The following DPYD variants were observed in gnomAD, a reference collection of about 807,000 sequenced individuals.
The protein encoded by DPYD is dihydropyrimidine dehydrogenase [NADP(+)].
DPYD carries 109 observed loss-of-function variants against 116.2 expected under a neutral mutation model. That is an observed-to-expected ratio of 0.94 (90% CI 0.80 to 1.10). The LOEUF (loss-of-function observed/expected upper bound fraction) is 1.10, where lower values mean the gene tolerates loss of function less well. Ranked by LOEUF, DPYD falls within the 50% of genes least tolerant of loss-of-function variation. The probability of loss-of-function intolerance (pLI) is 0.00; values close to 1 mark genes in which losing one functional copy is unlikely to be tolerated. For synonymous variants in DPYD, 440 were observed against 432.0 expected (o/e 1.02, Z -0.23); for missense variants, 1,302 against 1,254.5 (o/e 1.04, Z -0.57).
intron 3 of DPYD, among the ~76,000 whole-genome samples, chr1:97,786,842 A>C (rs1437652055): frequency 6.6e-6 from 1 of 152,252 alleles, no homozygotes; most frequent in Non-Finnish European, 1.5e-5. Context: ...AAAATATAGT[A>C]TATACCTGAA....
At chr1:97,478,776 G>T (rs933724795) in intron 13 of DPYD, among the ~76,000 whole-genome samples, 3 of 152,176 alleles carry the variant, frequency 2.0e-5, no homozygotes, top group Non-Finnish European at 4.4e-5. Context: ...AGGCTGTTTT[G>T]TCTACATCGA....
chr1:97,314,494 T>C (rs961497808), intron 16 of DPYD, among the ~76,000 whole-genome samples: 13 of 148,342 alleles, frequency 8.8e-5, no homozygotes, highest in Non-Finnish European at 1.2e-4. Flanking sequence ...AGCTTTCTTT[T>C]TTTTTTTTTT....
At position 97,642,953 on chromosome 1, in the gene DPYD, C is replaced by T. The variant is rs188804468; in HGVS notation, c.850+36142G>A. 2.1e-4 allele frequency among the ~76,000 whole-genome samples: 32 copies of T among 150,460 alleles called. No individual in the cohort carries two copies. The East Asian group carries it at 5.7e-3, about 27-fold the overall frequency. On this transcript the variant is annotated intron_variant, in intron 8 of 22. Transcript: ENST00000370192. The stretch of plus-strand genomic sequence containing the variant: ...TAAATTTAAAAGATGGATTAAAGAC[C>T]GAAATATAAAATCTAAAACCATAAA...
At chr1:97,092,446 T>G (rs972546781) in intron 21 of DPYD, among the ~76,000 whole-genome samples, 3 of 152,190 alleles carry the variant, frequency 2.0e-5, no homozygotes, top group Non-Finnish European at 4.4e-5. Context: ...ACCACTTTCC[T>G]ATTCTTAAGA....
At position 97,143,631 on chromosome 1, in the gene DPYD, G is replaced by C. The variant is rs572776742; in HGVS notation, c.2623-44999C>G. Among the ~76,000 whole-genome samples, 46 of 152,132 alleles carry C rather than the reference G, an allele frequency of 3.0e-4. 1 individual carries two copies. The South Asian group carries it at 8.9e-3, about 30-fold the overall frequency. On this transcript the variant is annotated intron_variant, in intron 20 of 22. Transcript: ENST00000370192. ...AATCCTCACCTCTTTTCACACAGGA[G>C]TTTCTTAGAATTTAAGTTTGGCAAA...
chr1:97,582,815 G>T (rs907847153), intron 10 of DPYD, among the ~76,000 whole-genome samples: 4 of 152,092 alleles, frequency 2.6e-5, no homozygotes, highest in Non-Finnish European at 5.9e-5. Flanking sequence ...AAATATAGTC[G>T]TCCCTTAACT....
At chr1:97,419,092 C>G (rs574195369) in intron 14 of DPYD, among the ~76,000 whole-genome samples, 2 of 152,246 alleles carry the variant, frequency 1.3e-5, no homozygotes, top group East Asian at 3.9e-4. Context: ...GCTTCCTAGA[C>G]AACCCAATGG....
chr1:97,311,215 A>G (rs754958274), intron 16 of DPYD, among the ~76,000 whole-genome samples: 1 of 151,856 alleles, frequency 6.6e-6, no homozygotes, highest in Admixed American at 6.6e-5. Context: ...ATTTAAAAAC[A>G]TTGTGAAAAG....
intron 16 of DPYD, among the ~76,000 whole-genome samples, chr1:97,371,864 A>G (rs1183474091): frequency 1.3e-5 from 2 of 152,196 alleles, no homozygotes; most frequent in East Asian, 3.9e-4. Flanking sequence ...AATTTTTTTC[A>G]GCCAAGATAT....
rs571042236 is a variant in DPYD, at chr1:97,178,084, C to A, written c.2622+14985G>T. ...TTAACATATGAATTTTGAAGGGACA[C>A]AAACATTCAGACCATAGCATAGGCA... On this transcript the variant is annotated intron_variant, in intron 20 of 22. Coordinates refer to ENST00000370192, the MANE Select transcript of DPYD (RefSeq NM_000110.4). Among the ~76,000 whole-genome samples, 20 of 152,138 alleles carry A rather than the reference C, an allele frequency of 1.3e-4. No individual in the cohort carries two copies. In the East Asian group the frequency reaches 3.7e-3, roughly 28 times the overall value.
At chr1:97,686,126 AT>A (rs1660713332) in intron 7 of DPYD, among the ~76,000 whole-genome samples, 1 of 152,204 alleles carries the variant, frequency 6.6e-6, no homozygotes, top group South Asian at 2.1e-4. Context: ...CTGGAAAAAA[AT>A]AAACACATAG....
intron 1 of DPYD, among the ~76,000 whole-genome samples, chr1:97,913,852 G>A (rs910726520): frequency 5.3e-5 from 8 of 151,878 alleles, no homozygotes; most frequent in Admixed American, 3.3e-4. Flanking sequence ...ACATGGGGGG[G>A]AGGAGGAAGT....
Position 97,335,922 on chromosome 1 carries a change from T to G in DPYD, c.2059-29625A>C, listed in dbSNP as rs561658503. ...ACCCAGACCTCCTTCTCCCTTTGAC[T>G]CTCATGGGCATTTTCCTTTGCCCAG... On this transcript the variant is annotated intron_variant, in intron 16 of 22. Transcript: ENST00000370192. Among the ~76,000 whole-genome samples the G allele has an allele frequency of 1.9e-3, 288 of 152,264 alleles. 1 individual carries two copies. Among genetic ancestry groups the G allele is most frequent in the Middle Eastern group, 0.017 (5 of 294 alleles).
At chr1:97,309,440 T>C (rs1667366190) in intron 16 of DPYD, among the ~76,000 whole-genome samples, 1 of 151,376 alleles carries the variant, frequency 6.6e-6, no homozygotes, top group Non-Finnish European at 1.5e-5. Context: ...AGCAACAAAA[T>C]GATTTCCTGT....
chr1:97,809,128 C>G (rs977483520), intron 3 of DPYD, among the ~76,000 whole-genome samples: 3 of 152,080 alleles, frequency 2.0e-5, no homozygotes, highest in Non-Finnish European at 4.4e-5. Context: ...GGGTTTTGAA[C>G]AGAAGAGAAA....
At chr1:97,307,380 G>A (rs762878571) in intron 16 of DPYD, among the ~76,000 whole-genome samples, 1 of 151,562 alleles carries the variant, frequency 6.6e-6, no homozygotes, top group Non-Finnish European at 1.5e-5. Context: ...TTGTATGTAA[G>A]AAAGTTGCTC....
chr1:97,412,663 A>C (rs1289895355), intron 14 of DPYD, among the ~76,000 whole-genome samples: 3 of 152,230 alleles, frequency 2.0e-5, no homozygotes, highest in Non-Finnish European at 4.4e-5. Context: ...GTACGACTAC[A>C]GTTTTGGGTC....
At chr1:97,279,613 C>T (rs929400219) in intron 18 of DPYD, among the ~76,000 whole-genome samples, 11 of 152,120 alleles carry the variant, frequency 7.2e-5, no homozygotes, top group African/African-American at 1.7e-4. Flanking sequence ...GGAGTTCGAG[C>T]GATTCTCCTG....
chr1:97,647,699 A>G (rs750533339), intron 8 of DPYD, among the ~76,000 whole-genome samples: 4 of 152,014 alleles, frequency 2.6e-5, no homozygotes, highest in Non-Finnish European at 5.9e-5. Context: ...ATATCTGCAT[A>G]GTATCTTTGT....
Sources: allele counts gnomAD v4.1 joint callset (sites outside exome capture counted in the v4.1 genomes callset), GRCh38; gene constraint gnomAD v4.1.1; transcripts MANE v1.5; gene names NCBI Gene and HGNC (gene_info 2026-07-23, HGNC 2026-07-21).